ADGRL2: variants seen among roughly 807,000 people sequenced by gnomAD.
The protein encoded by ADGRL2 is adhesion G protein-coupled receptor L2.
Under a neutral mutation model 157.4 loss-of-function variants are expected in ADGRL2, and 44 were observed. That is an observed-to-expected ratio of 0.28 (90% confidence interval 0.22 to 0.36). ADGRL2 has a LOEUF of 0.36. Ranked by LOEUF, ADGRL2 falls within the 10% of genes least tolerant of loss-of-function variation. The pLI, the probability that ADGRL2 is intolerant of heterozygous loss-of-function variation, is 1.00. For synonymous variants in ADGRL2, 585 were observed against 624.7 expected (o/e 0.94, Z 0.95); for missense variants, 1,510 against 1,768.9 (o/e 0.85, Z 2.63).
intron 3 of ADGRL2, among the ~76,000 whole-genome samples, chr1:81,927,927 A>T: frequency 6.6e-6 from 1 of 152,012 alleles, no homozygotes; most frequent in Middle Eastern, 3.4e-3. Context: ...ATTATAAAAT[A>T]AAAAAAACTT....
chr1:81,344,244 T>C (rs1320579402), intron 1 of ADGRL2, among the ~76,000 whole-genome samples: 2 of 152,156 alleles, frequency 1.3e-5, no homozygotes, highest in Non-Finnish European at 2.9e-5. Context: ...TTCGATGTTC[T>C]ATGATAGCAC....
chr1:81,958,592 T>G (rs895897764), intron 11 of ADGRL2, among the ~76,000 whole-genome samples: 8 of 152,214 alleles, frequency 5.3e-5, no homozygotes, highest in Non-Finnish European at 1.5e-5. Flanking sequence ...AATGATATAA[T>G]TTTATCTATT....
rs115285315 is a variant in ADGRL2, at chr1:81,562,936, C to A, written c.-247-17940C>A. 4.4e-3 allele frequency among the ~76,000 whole-genome samples: 668 copies of A among 152,220 alleles called. 6 individuals are homozygous for A. Among genetic ancestry groups the A allele is most frequent in the African/African-American group, 0.016 (648 of 41,540 alleles). ...CAAGCATTTCATTCATTTATTCATT[C>A]GCCCATTCAACAATATGTCTGTATT... On this transcript the variant is annotated intron_variant, in intron 2 of 24. Transcript: ENST00000370721.
intron 1 of ADGRL2, among the ~76,000 whole-genome samples, chr1:81,411,628 C>T (rs1005551873): frequency 6.6e-6 from 1 of 152,160 alleles, no homozygotes; most frequent in Non-Finnish European, 1.5e-5. Context: ...AGCGGTGGCT[C>T]ACGCCTGTAA....
intron 3 of ADGRL2, among the ~76,000 whole-genome samples, chr1:81,681,698 T>C (rs1302135880): frequency 2.0e-5 from 3 of 152,186 alleles, no homozygotes; most frequent in African/African-American, 7.2e-5. Context: ...TAGTTCAGCC[T>C]TGAGAAGGGG....
chr1:81,545,908 C>CCAT (rs2080005189), intron 2 of ADGRL2, among the ~76,000 whole-genome samples: 1 of 152,156 alleles, frequency 6.6e-6, no homozygotes, highest in South Asian at 2.1e-4. Context: ...CTGGCCCTGA[C>CCAT]CATCACTACA....
chr1:81,786,600 A>T (rs1239067649), intron 2 of ADGRL2, among the ~76,000 whole-genome samples: 3 of 152,192 alleles, frequency 2.0e-5, no homozygotes, highest in South Asian at 4.1e-4. Flanking sequence ...AATAAATAAA[A>T]ATAAAATTTA....
At chr1:81,960,602 G>A (rs1655037518) in intron 11 of ADGRL2, among the ~76,000 whole-genome samples, 2 of 152,004 alleles carry the variant, frequency 1.3e-5, no homozygotes, top group Non-Finnish European at 2.9e-5. Context: ...GGCCTCCCGA[G>A]TAGCTGGGAT....
At chr1:81,405,074 T>C (rs2076829115) in intron 1 of ADGRL2, among the ~76,000 whole-genome samples, 1 of 152,194 alleles carries the variant, frequency 6.6e-6, no homozygotes, top group South Asian at 2.1e-4. Context: ...GAAGTTATTA[T>C]GTTGACTTAT....
intron 2 of ADGRL2, chr1:81,501,916 G>C (rs1306654384): frequency 2.5e-6 from 4 of 1,613,666 alleles, no homozygotes; most frequent in Non-Finnish European, 3.4e-6. Context: ...ATGCCCAAAA[G>C]CTGGTCACGC....
At chr1:81,852,398 A>G (rs922523161) in intron 2 of ADGRL2, among the ~76,000 whole-genome samples, 2 of 152,102 alleles carry the variant, frequency 1.3e-5, no homozygotes, top group Admixed American at 1.3e-4. Flanking sequence ...TCTTTTCGGA[A>G]GAGATACTTA....
intron 1 of ADGRL2, among the ~76,000 whole-genome samples, chr1:81,743,856 G>T (rs1012452867): frequency 2.6e-5 from 4 of 152,050 alleles, no homozygotes; most frequent in African/African-American, 9.7e-5. Flanking sequence ...TTTGAAAAGT[G>T]CCCAGCATTG....
intron 3 of ADGRL2, among the ~76,000 whole-genome samples, chr1:81,614,405 A>G (rs138827443): frequency 2.0e-3 from 312 of 152,312 alleles, no homozygotes; most frequent in African/African-American, 7.3e-3. Flanking sequence ...ATTCCATGGT[A>G]TAGTAACTGG....
intron 1 of ADGRL2, among the ~76,000 whole-genome samples, chr1:81,331,363 C>A (rs17453148): frequency 0.063 from 9,518 of 152,064 alleles, 425 homozygotes; most frequent in Admixed American, 0.089. Context: ...TAAGTTTTGA[C>A]CCTTTGGGGG....
chr1:81,483,392 A>G (rs558175622), intron 2 of ADGRL2, among the ~76,000 whole-genome samples: 1 of 152,338 alleles, frequency 6.6e-6, no homozygotes, highest in South Asian at 2.1e-4. Flanking sequence ...ATTTAGCAAC[A>G]TAGAAGTATA....
intron 1 of ADGRL2, among the ~76,000 whole-genome samples, chr1:81,307,615 T>C (rs11163244): frequency 0.42 from 64,312 of 151,960 alleles, 14,377 homozygotes; most frequent in Middle Eastern, 0.51. Context: ...TAATCTCTTA[T>C]ATAAGATAGA....
At chr1:81,319,976 A>G (rs1053983203) in intron 1 of ADGRL2, among the ~76,000 whole-genome samples, 1 of 152,198 alleles carries the variant, frequency 6.6e-6, no homozygotes, top group Non-Finnish European at 1.5e-5. Context: ...ATGTTGTGTG[A>G]TAGCATTTTA....
At chr1:81,839,080 G>A (rs2150239715) in intron 2 of ADGRL2, among the ~76,000 whole-genome samples, 1 of 152,148 alleles carries the variant, frequency 6.6e-6, no homozygotes, top group Admixed American at 6.6e-5. Flanking sequence ...CATCTATAGA[G>A]AAAGCCAATC....
intron 9 of ADGRL2, 101 bp downstream of exon 9, chr1:81,952,243 T>C (rs1241468035): frequency 8.1e-6 from 7 of 868,038 alleles, no homozygotes; most frequent in Non-Finnish European, 1.2e-5. Context: ...CCGGGACATA[T>C]ACTTAGAAGC....
Sources: gnomAD v4.1 joint callset for allele counts (sites outside exome capture counted in the v4.1 genomes callset) on GRCh38, gnomAD v4.1.1 for gene constraint, MANE v1.5 for transcripts, NCBI Gene and HGNC (gene_info 2026-07-23, HGNC 2026-07-21) for gene names.